Variants in MYO1E observed in about 807,000 individuals in gnomAD.
The protein encoded by MYO1E is unconventional myosin-Ie.
MYO1E carries 68 observed loss-of-function variants against 151.1 expected under a neutral mutation model. The observed-to-expected ratio is 0.45, with a 90% CI of 0.37 to 0.55. MYO1E has a LOEUF of 0.55. Ranked by LOEUF, MYO1E falls within the 20% of genes least tolerant of loss-of-function variation. The pLI, the probability that MYO1E is intolerant of heterozygous loss-of-function variation, is 0.00. For missense variants in MYO1E, 1,363 were observed against 1,389.3 expected (o/e 0.98, Z 0.30); for synonymous variants, 601 against 501.7 (o/e 1.20, Z -2.64).
intron 4 of MYO1E, among the ~76,000 whole-genome samples, chr15:59,255,292 T>C (rs2080187607): frequency 6.6e-6 from 1 of 151,948 alleles, no homozygotes; most frequent in Non-Finnish European, 1.5e-5. Flanking sequence ...AATTTTTATA[T>C]TTTTTTGTAG....
intron 1 of MYO1E, among the ~76,000 whole-genome samples, chr15:59,295,104 C>T (rs574601604): frequency 6.6e-6 from 1 of 152,060 alleles, no homozygotes; most frequent in East Asian, 1.9e-4. Flanking sequence ...AATAAAGAGC[C>T]ATGCACATAA....
chr15:59,196,998 T>TTTTTC (rs1283174681), intron 16 of MYO1E, among the ~76,000 whole-genome samples: 1 of 127,244 alleles, frequency 7.9e-6, no homozygotes, highest in Non-Finnish European at 1.7e-5. Flanking sequence ...TTTTTTTTTT[T>TTTTTC]TTTTTTTTTT....
chr15:59,179,836 A>T (rs2140320721), intron 18 of MYO1E, among the ~76,000 whole-genome samples: 1 of 152,334 alleles, frequency 6.6e-6, no homozygotes, highest in East Asian at 1.9e-4. Flanking sequence ...AACACATTAC[A>T]GTTTGTCAAA....
chr15:59,367,216 T>C (rs1316819081), intron 1 of MYO1E, among the ~76,000 whole-genome samples: 9 of 152,188 alleles, frequency 5.9e-5, no homozygotes, highest in Non-Finnish European at 8.8e-5. Flanking sequence ...CAAGGTACTA[T>C]ATGTTCTTTC....
chr15:59,164,806 G>C (rs11630246), intron 22 of MYO1E, among the ~76,000 whole-genome samples: 135,254 of 152,224 alleles, frequency 0.89, 61,148 homozygotes, highest in East Asian at 0.99. Context: ...TGACCCAGAG[G>C]TGATGGAGCC....
In MYO1E at chr15:59,253,359, A is replaced by G. The variant is rs1596386168; in HGVS notation, c.332+2925T>C. Among the ~76,000 whole-genome samples the G allele has an allele frequency of 2.0e-5, 3 of 152,328 alleles. No homozygotes were observed. The South Asian group carries it at 6.2e-4, about 32-fold the overall frequency. On this transcript the variant is annotated intron_variant, in intron 4 of 27. Transcript: ENST00000288235. Reference sequence around the variant, plus strand: ...CCACTAATTAAACAATGGCTCTGAAATGATTTATAACAGACGGGTTCACTG... The same window carrying G: ...CCACTAATTAAACAATGGCTCTGAAGTGATTTATAACAGACGGGTTCACTG...
At chr15:59,238,211 G>A (rs1427630275) in intron 4 of MYO1E, among the ~76,000 whole-genome samples, 1 of 152,152 alleles carries the variant, frequency 6.6e-6, no homozygotes, top group Non-Finnish European at 1.5e-5. Flanking sequence ...TTTTCAAATG[G>A]TTGACATACT....
intron 22 of MYO1E, chr15:59,171,409 A>C: frequency 5.3e-6 from 1 of 187,464 alleles, no homozygotes; most frequent in Non-Finnish European, 1.1e-5. Flanking sequence ...GAGCGAAGAG[A>C]GCATCTCACG....
chr15:59,158,032 T>C (rs1333415249), intron 25 of MYO1E, among the ~76,000 whole-genome samples: 1 of 152,228 alleles, frequency 6.6e-6, no homozygotes. Context: ...GTCAGAAGCC[T>C]TTCCTAAGGG....
chr15:59,352,363 C>T (rs1387723285), intron 1 of MYO1E, among the ~76,000 whole-genome samples: 1 of 152,168 alleles, frequency 6.6e-6, no homozygotes, highest in Non-Finnish European at 1.5e-5. Flanking sequence ...TGCCGTAGTG[C>T]TTTGCAATCA....
Position 59,163,096 on chromosome 15 carries a change from G to A in MYO1E, c.2627+61C>T, listed in dbSNP as rs1410261430. 7.6e-6 allele frequency: 12 copies of A among 1,581,144 alleles called. No individual in the cohort carries two copies. The African/African-American group carries it at 9.4e-5, about 12-fold the overall frequency. ...CTCCAGCCCCATCCTGAATCGCAGG[G>A]GTGCGATCAAGACCCCTTTTTAGCT... is the stretch of plus-strand genomic sequence containing the variant. On this transcript the variant is annotated intron_variant, in intron 23 of 27. Transcript: ENST00000288235.
intron 5 of MYO1E, 104 bp from the exon 6 acceptor site, chr15:59,231,895 G>T: frequency 8.2e-7 from 1 of 1,219,558 alleles, no homozygotes; most frequent in East Asian, 2.4e-5. Context: ...ATTAAGGTGA[G>T]GGGCCCCACA....
intron 1 of MYO1E, among the ~76,000 whole-genome samples, chr15:59,371,070 TTC>T (rs1317496309): frequency 6.6e-6 from 1 of 152,196 alleles, no homozygotes; most frequent in African/African-American, 2.4e-5. Flanking sequence ...AGACAAAGTG[TTC>T]TCTTAGATGG....
At chr15:59,225,389 C>T (rs1426040233) in intron 7 of MYO1E, among the ~76,000 whole-genome samples, 1 of 152,146 alleles carries the variant, frequency 6.6e-6, no homozygotes, top group South Asian at 2.1e-4. Flanking sequence ...TTTTGGCCCC[C>T]ACACCCCAGC....
At chr15:59,317,219 C>T (rs1241719546) in intron 1 of MYO1E, among the ~76,000 whole-genome samples, 1 of 152,226 alleles carries the variant, frequency 6.6e-6, no homozygotes, top group Non-Finnish European at 1.5e-5. Context: ...CACACATTAC[C>T]TGCCCTCATA....
At position 59,208,103 on chromosome 15, in the gene MYO1E, C is replaced by A. The variant is rs755116282; in HGVS notation, c.1530+578G>T. ...AAGCTTTAAAGTTGCCTAAAACTAC[C>A]ATTCCGAAATTATTGAAGAGATCAT... On this transcript the variant is annotated intron_variant, in intron 14 of 27. Transcript: ENST00000288235. 3 of 1,544,566 alleles carry A rather than the reference C, an allele frequency of 1.9e-6. No homozygotes were observed. The South Asian group carries it at 3.9e-5, about 20-fold the overall frequency.
chr15:59,294,616 G>A (rs2080438355), intron 1 of MYO1E, among the ~76,000 whole-genome samples: 1 of 152,208 alleles, frequency 6.6e-6, no homozygotes, highest in African/African-American at 2.4e-5. Flanking sequence ...GGAGAACACA[G>A]GCCTTCTTGG....
rs59491381 is a variant in MYO1E, at chr15:59,319,550, C to CTTTTTTTTT, written c.4-47110_4-47102dup. ...AAGATAGGAAAAGAAGTCAAACTAC[C>CTTTTTTTTT]TTTTTTTTTTTTTTTTTTTTTTTTT... On this transcript the variant is annotated intron_variant, in intron 1 of 27. Transcript: ENST00000288235. 1.2e-3 allele frequency among the ~76,000 whole-genome samples: 79 copies of CTTTTTTTTT among 63,696 alleles called. 6 individuals carry two copies. The highest frequency in any genetic ancestry group is 8.9e-3 in the East Asian group (18 of 2,020). The allele number at this position is 63,696 out of a possible 152,430, so 41.8% of individuals were successfully genotyped here.
In MYO1E at chr15:59,163,320, C is replaced by T. The variant is rs1408766672; in HGVS notation, c.2481-17G>A. 1 of 1,610,718 alleles carries T rather than the reference C, an allele frequency of 6.2e-7. No individual in the cohort carries two copies. The highest frequency in any genetic ancestry group is 1.7e-5 in the Admixed American group (1 of 59,930). ...TGCATAGTACTGTAAAGAGATTGGA[C>T]AAACACACTTGGTGAAAGCTGTGCT... On this transcript the variant is annotated splice_polypyrimidine_tract_variant and intron_variant, in intron 22 of 27. Coordinates refer to ENST00000288235, the MANE Select transcript of MYO1E (RefSeq NM_004998.4).
Sources: allele counts gnomAD v4.1 joint callset (sites outside exome capture counted in the v4.1 genomes callset), GRCh38; gene constraint gnomAD v4.1.1; transcripts MANE v1.5; gene names NCBI Gene and HGNC (gene_info 2026-07-23, HGNC 2026-07-21).